ZFY: variants seen among roughly 807,000 people sequenced by gnomAD.
ZFY encodes the protein zinc finger Y-chromosomal protein.
For missense variants in ZFY, 113 were observed against 170.9 expected, an observed-to-expected ratio of 0.66 and a Z score of 1.89; for synonymous variants, 47 against 55.8, an observed-to-expected ratio of 0.84 and a Z score of 0.71.
intron 7 of ZFY, 129 bp downstream of exon 7, chrY:2,978,209 A>T: frequency 5.6e-6 from 1 of 178,750 alleles, no homozygotes; most frequent in Middle Eastern, 9.3e-4. Context: ...GATAAGAAGA[A>T]ACAGTTGTGC....
chrY:2,944,736 ATTTTTTTTTTTTTTT>A lies in ZFY; in HGVS notation c.-29+8983_-29+8997del. 7.0e-4 allele frequency among the ~76,000 whole-genome samples: 3 copies of A among 4,298 alleles called. No homozygotes were observed. The East Asian group carries it at 0.037, about 54-fold the overall frequency. The allele number at this position is 4,298 out of a possible 37,273, so 11.5% of individuals were successfully genotyped here. A position where few individuals can be genotyped will look rare whatever the true frequency, so the allele number is the denominator to read the frequency against. On this transcript the variant is annotated intron_variant, in intron 1 of 7. Coordinates refer to ENST00000155093, the MANE Select transcript of ZFY (RefSeq NM_003411.4). ...TACTTGTACGTGGAGTCTTTTTATG[ATTTTTTTTTTTTTTT>A]TTTTTTTTTTTTTTTGAGACAGAGT...
chrY:2,974,519 TA>T (rs2051359857), intron 3 of ZFY, among the ~76,000 whole-genome samples: 1 of 33,884 alleles, frequency 3.0e-5, no homozygotes, highest in Non-Finnish European at 7.3e-5. Context: ...TTTTGATTTT[TA>T]AAAAGTTTAT....
At chrY:2,963,736 T>C (rs2051318001) in intron 3 of ZFY, among the ~76,000 whole-genome samples, 2 of 33,402 alleles carry the variant, frequency 6.0e-5, no homozygotes, top group Non-Finnish European at 1.5e-4. Flanking sequence ...TTTGATGATT[T>C]GTTTAATGAT....
intron 2 of ZFY, among the ~76,000 whole-genome samples, chrY:2,955,956 TC>T (rs2051291834): frequency 6.1e-5 from 2 of 32,724 alleles, no homozygotes; most frequent in African/African-American, 2.4e-4. Flanking sequence ...TCCCTCCACT[TC>T]CTTTCCTTTT....
chrY:2,965,500 T>C, intron 3 of ZFY, among the ~76,000 whole-genome samples: 1 of 32,540 alleles, frequency 3.1e-5, no homozygotes, highest in Non-Finnish European at 7.5e-5. Context: ...TGTAGTATGA[T>C]CAGCCTTCTC....
chrY:2,938,813 G>A, intron 1 of ZFY, among the ~76,000 whole-genome samples: 2 of 28,950 alleles, frequency 6.9e-5, no homozygotes, highest in Admixed American at 3.1e-4. Flanking sequence ...CCTGACCTCA[G>A]ATGATCCATC....
intron 1 of ZFY, among the ~76,000 whole-genome samples, chrY:2,944,351 G>GT (rs1309836791): frequency 1.5e-3 from 41 of 26,898 alleles, no homozygotes; most frequent in Non-Finnish European, 2.5e-3. Flanking sequence ...CAATTTTAGA[G>GT]TTTTTTTTTT....
Position 2,982,346 on chromosome Y carries a change from A to G in ZFY, c.*2353A>G, listed in dbSNP as rs2051402079. The G allele has an allele frequency of 3.0e-5, 1 of 33,898 alleles. No homozygotes were observed. The highest frequency in any genetic ancestry group is 7.4e-5 in the Non-Finnish European group (1 of 13,593). 8.5% of individuals were successfully genotyped at this position (33,898 alleles called of 400,897 possible). A position where few individuals can be genotyped will look rare whatever the true frequency, so the allele number is the denominator to read the frequency against. ...TTATTATTTGGTTGAAAAATAGCCT[A>G]TTAGATATTGTATGTCCCTTCCTCT... On this transcript the variant is annotated 3_prime_UTR_variant, in exon 8 of 8. Transcript: ENST00000155093.
In ZFY at chrY:2,975,497, A is replaced by G. The variant is rs111915341; in HGVS notation, c.785-14A>G. 1.8e-3 allele frequency: 696 copies of G among 394,154 alleles called. No homozygotes were observed. Among genetic ancestry groups the G allele is most frequent in the Admixed American group, 5.4e-3 (69 of 12,866 alleles). On this transcript the variant is annotated splice_polypyrimidine_tract_variant and intron_variant, in intron 4 of 7. Transcript: ENST00000155093. The stretch of plus-strand genomic sequence containing the variant: ...CTCTCAAATAATTTTTGGAGCTTTC[A>G]TATTCTCTGATAGGTGGAACTGTAG...
At chrY:2,973,718 A>T (rs2051356188) in intron 3 of ZFY, among the ~76,000 whole-genome samples, 1 of 33,708 alleles carries the variant, frequency 3.0e-5, no homozygotes, top group Non-Finnish European at 7.3e-5. Flanking sequence ...TATGCTAAAG[A>T]TAGTAGTCAG....
intron 1 of ZFY, among the ~76,000 whole-genome samples, chrY:2,936,528 C>G: frequency 3.0e-5 from 1 of 33,693 alleles, no homozygotes; most frequent in Non-Finnish European, 7.3e-5. Context: ...GCGACTTTTC[C>G]CATTTATGTG....
chrY:2,973,585 C>G, intron 3 of ZFY, among the ~76,000 whole-genome samples: 1 of 32,986 alleles, frequency 3.0e-5, no homozygotes, highest in Admixed American at 2.8e-4. Flanking sequence ...CAGGTGGGCC[C>G]AGAACAGAGA....
chrY:2,951,089 G>A, intron 1 of ZFY, among the ~76,000 whole-genome samples: 1 of 33,474 alleles, frequency 3.0e-5, no homozygotes, highest in Non-Finnish European at 7.4e-5. Context: ...ACTTTTTCAA[G>A]ACCTCACCTC....
chrY:2,936,331 C>T, intron 1 of ZFY, among the ~76,000 whole-genome samples: 6 of 33,955 alleles, frequency 1.8e-4, no homozygotes, highest in African/African-American at 6.9e-4. Flanking sequence ...TTATTTTCCC[C>T]TAATTAAAGT....
intron 3 of ZFY, among the ~76,000 whole-genome samples, chrY:2,966,040 C>T: frequency 3.0e-5 from 1 of 33,129 alleles, no homozygotes. Flanking sequence ...AATGAAGAAT[C>T]TGATTTTCAC....
At chrY:2,938,148 G>C (rs866138096) in intron 1 of ZFY, among the ~76,000 whole-genome samples, 2 of 15,859 alleles carry the variant, frequency 1.3e-4, no homozygotes, top group East Asian at 1.5e-3. Flanking sequence ...CCACCACGCC[G>C]GGCTAATTTT....
At chrY:2,954,102 A>G in intron 2 of ZFY, 105 bp downstream of exon 2, 1 of 144,662 alleles carries the variant, frequency 6.9e-6, no homozygotes, top group Admixed American at 1.4e-4. Context: ...ACTTAGGTCC[A>G]TACTTAGGTC....
chrY:2,977,842 A>T, intron 6 of ZFY, 98 bp from the exon 7 acceptor site: 23 of 163,980 alleles, frequency 1.4e-4, no homozygotes, highest in Non-Finnish European at 1.9e-4. Flanking sequence ...ACTTTCTGTC[A>T]TTCATGAGTG....
Position 2,953,947 on chromosome Y carries a change from A to G in ZFY, c.11A>G (p.Asp4Gly). 2.5e-6 allele frequency: 1 copy of G among 395,907 alleles called. No individual in the cohort carries two copies. Among genetic ancestry groups the G allele is most frequent in the Admixed American group, 7.5e-5 (1 of 13,268 alleles). The stretch of plus-strand genomic sequence containing the variant: ...TGAGAATTAAAGGCCATGGATGAAG[A>G]TGAATTTGAATTGCAGCCACAAGAG... MDEDEFELQPQEPN... is the reference protein window; with the variant it reads MDEGEFELQPQEPN... Residue 4 changes from aspartate (D) to glycine (G), a missense_variant, in exon 2 of 8, where the codon GAT (aspartate) becomes GGT (glycine). Physicochemically the swap from Asp to Gly is moderately conservative, Grantham distance 94. Coordinates refer to ENST00000155093, the MANE Select transcript of ZFY (RefSeq NM_003411.4).
Sources: gnomAD v4.1 joint callset for allele counts (sites outside exome capture counted in the v4.1 genomes callset) on GRCh38, gnomAD v4.1.1 for gene constraint, MANE v1.5 for transcripts, NCBI Gene and HGNC (gene_info 2026-07-23, HGNC 2026-07-21) for gene names.